The following GABRG3 variants were observed in gnomAD, a reference collection of about 807,000 sequenced individuals.
GABRG3 encodes the protein gamma-aminobutyric acid type A receptor subunit gamma3.
Under a neutral mutation model 48.8 loss-of-function variants are expected in GABRG3, and 25 were observed. That is an observed-to-expected ratio of 0.51 (90% CI 0.37 to 0.72). GABRG3 has a LOEUF of 0.72. GABRG3 is among the 30% of genes least tolerant of loss of function. The pLI is 0.00. For synonymous variants in GABRG3, 227 were observed against 217.6 expected (o/e 1.04, Z -0.38); for missense variants, 394 against 577.9 (o/e 0.68, Z 3.26).
Position 27,260,327 on chromosome 15 carries a change from G to A in GABRG3, c.271-66482G>A, listed in dbSNP as rs182069580. On this transcript the variant is annotated intron_variant, in intron 3 of 9. Coordinates refer to ENST00000615808, the MANE Select transcript of GABRG3 (RefSeq NM_033223.5). Reference sequence around the variant, plus strand: ...TGAGGACATCAGTCCTGTTGGATTAGGGCCCACTCTTACTACCTCATTTAA... The same window carrying A: ...TGAGGACATCAGTCCTGTTGGATTAAGGCCCACTCTTACTACCTCATTTAA... Among the ~76,000 whole-genome samples, 382 of 152,218 alleles carry A rather than the reference G, an allele frequency of 2.5e-3. 1 individual carries two copies. Among genetic ancestry groups the A allele is most frequent in the Non-Finnish European group, 4.1e-3 (278 of 68,016 alleles).
chr15:27,039,190 C>T (rs1459753658), intron 3 of GABRG3, among the ~76,000 whole-genome samples: 1 of 152,206 alleles, frequency 6.6e-6, no homozygotes, highest in East Asian at 1.9e-4. Context: ...GGCAGGTCAG[C>T]ATGTCAGCAT....
chr15:27,235,522 T>C (rs1450865085), intron 3 of GABRG3, among the ~76,000 whole-genome samples: 1 of 152,060 alleles, frequency 6.6e-6, no homozygotes, highest in Non-Finnish European at 1.5e-5. Context: ...AAAGCTGAGG[T>C]GTGGGTGGGA....
At chr15:27,317,748 CCTTTTGGAGCTAAAA>C (rs1392264050) in intron 3 of GABRG3, among the ~76,000 whole-genome samples, 1 of 152,108 alleles carries the variant, frequency 6.6e-6, no homozygotes, top group Non-Finnish European at 1.5e-5. Context: ...AAAAATCAAA[CCTTTTGGAGCTAAAA>C]AATAAAAAAG....
chr15:27,286,108 A>C (rs1242642748), intron 3 of GABRG3, among the ~76,000 whole-genome samples: 3 of 152,256 alleles, frequency 2.0e-5, no homozygotes, highest in African/African-American at 7.2e-5. Context: ...AAAAGTGCAA[A>C]TGAAATGAGC....
chr15:27,202,024 C>A lies in GABRG3; in HGVS notation c.271-124785C>A, dbSNP rs577033095. Among the ~76,000 whole-genome samples, 5 of 152,250 alleles carry A rather than the reference C, an allele frequency of 3.3e-5. No homozygotes were observed. In the South Asian group the frequency reaches 8.3e-4, roughly 25 times the overall value. On this transcript the variant is annotated intron_variant, in intron 3 of 9. Transcript: ENST00000615808. The stretch of plus-strand genomic sequence containing the variant: ...AATACCATCATACAAGTATATTCAG[C>A]AGCATTTCATTGCCAATTTTCATTT...
chr15:27,155,239 T>G (rs1898397506), intron 3 of GABRG3, among the ~76,000 whole-genome samples: 1 of 152,148 alleles, frequency 6.6e-6, no homozygotes, highest in Non-Finnish European at 1.5e-5. Context: ...TTCACTGGGG[T>G]CTTCTTTATG....
chr15:27,088,757 G>C (rs184076579), intron 3 of GABRG3, among the ~76,000 whole-genome samples: 10 of 152,274 alleles, frequency 6.6e-5, no homozygotes, highest in Admixed American at 3.3e-4. Flanking sequence ...CCAAAATCCA[G>C]TCACCTCCCA....
chr15:27,472,379 G>T (rs12911313), intron 5 of GABRG3, among the ~76,000 whole-genome samples: 1 of 151,858 alleles, frequency 6.6e-6, no homozygotes, highest in African/African-American at 2.4e-5. Flanking sequence ...GGGTTCAAGC[G>T]ATTCTCCAGC....
intron 3 of GABRG3, among the ~76,000 whole-genome samples, chr15:27,314,044 C>T (rs1893125409): frequency 6.6e-6 from 1 of 151,446 alleles, no homozygotes; most frequent in Admixed American, 6.6e-5. Flanking sequence ...AAAAGATAAA[C>T]AAAATTGACA....
At chr15:27,527,674 T>C (rs1566880402) in intron 8 of GABRG3, 45 bp downstream of exon 8, 1 of 1,503,748 alleles carries the variant, frequency 6.7e-7, no homozygotes, top group Non-Finnish European at 9.1e-7. Context: ...ATGGGGGCGC[T>C]GTTTGAGATG....
At chr15:27,420,330 A>G (rs1888073652) in intron 5 of GABRG3, among the ~76,000 whole-genome samples, 1 of 152,236 alleles carries the variant, frequency 6.6e-6, no homozygotes, top group Admixed American at 6.5e-5. Flanking sequence ...TAATCCAGAC[A>G]CAGAAAGACA....
intron 3 of GABRG3, among the ~76,000 whole-genome samples, chr15:27,090,338 G>A (rs1243007898): frequency 2.0e-5 from 3 of 152,334 alleles, no homozygotes; most frequent in East Asian, 3.9e-4. Context: ...TTTACTTAAA[G>A]TATTTTCAGC....
intron 7 of GABRG3, among the ~76,000 whole-genome samples, chr15:27,520,606 T>C: frequency 1.7e-5 from 1 of 60,438 alleles, no homozygotes; most frequent in South Asian, 4.6e-4. Context: ...ACACTAAAAC[T>C]CAGTCTTTTC....
chr15:27,458,718 A>C (rs956110984), intron 5 of GABRG3, among the ~76,000 whole-genome samples: 4 of 152,198 alleles, frequency 2.6e-5, no homozygotes, highest in Admixed American at 2.6e-4. Flanking sequence ...AAAGGAGAAA[A>C]ATCCAGGCTT....
intron 5 of GABRG3, among the ~76,000 whole-genome samples, chr15:27,399,860 AC>A (rs948052313): frequency 6.6e-6 from 1 of 152,214 alleles, no homozygotes; most frequent in Non-Finnish European, 1.5e-5. Context: ...GAAGTTAAAT[AC>A]CCGCATTTTA....
chr15:27,127,675 T>G (rs1184566409), intron 3 of GABRG3, among the ~76,000 whole-genome samples: 1 of 152,194 alleles, frequency 6.6e-6, no homozygotes, highest in Admixed American at 6.5e-5. Flanking sequence ...AAGCAGTGTT[T>G]GTTTTGGTGA....
At position 27,351,522 on chromosome 15, in the gene GABRG3, GTT is replaced by G. The variant is rs1209997935; in HGVS notation, c.574+22636_574+22637del. Among the ~76,000 whole-genome samples the G allele has an allele frequency of 5.0e-5, 7 of 139,252 alleles. No individual in the cohort carries two copies. In the Admixed American group the frequency reaches 5.0e-4, roughly 10 times the overall value. 91.4% of individuals were successfully genotyped at this position (139,252 alleles called of 152,430 possible). The stretch of plus-strand genomic sequence containing the variant: ...GTGTGTTGGTATGTGTGTATGGTGT[GTT>G]TGTGTGTGTGTTGGTGTGTGTATGG... On this transcript the variant is annotated intron_variant, in intron 5 of 9. Transcript: ENST00000615808.
At chr15:27,197,030 C>T (rs1285146260) in intron 3 of GABRG3, among the ~76,000 whole-genome samples, 2 of 152,160 alleles carry the variant, frequency 1.3e-5, no homozygotes, top group Non-Finnish European at 2.9e-5. Flanking sequence ...CACTCTGCAA[C>T]GTTAAAAGCA....
At chr15:27,356,932 T>C (rs1450723272) in intron 5 of GABRG3, among the ~76,000 whole-genome samples, 6 of 152,218 alleles carry the variant, frequency 3.9e-5, no homozygotes, top group African/African-American at 1.4e-4. Context: ...ACCACGTTAA[T>C]TCTAGGTGAT....
Sources: allele counts gnomAD v4.1 joint callset (sites outside exome capture counted in the v4.1 genomes callset), GRCh38; gene constraint gnomAD v4.1.1; transcripts MANE v1.5; gene names NCBI Gene and HGNC (gene_info 2026-07-23, HGNC 2026-07-21).